Variants in PCSK9 observed in about 807,000 individuals in gnomAD.
The protein encoded by PCSK9 is convertase subtilisin/kexin type 9 preproprotein.
Under a neutral mutation model 62.1 loss-of-function variants are expected in PCSK9, and 57 were observed. The observed-to-expected ratio is 0.92, with a 90% CI of 0.74 to 1.14. The LOEUF (loss-of-function observed/expected upper bound fraction) is 1.14. PCSK9 is among the 50% of genes most tolerant of loss of function. The pLI, the probability that PCSK9 is intolerant of heterozygous loss-of-function variation, is 0.00. For synonymous variants in PCSK9, 387 were observed against 409.4 expected (o/e 0.95, Z 0.66); for missense variants, 870 against 959.8 (o/e 0.91, Z 1.24).
intron 11 of PCSK9, among the ~76,000 whole-genome samples, chr1:55,062,667 G>A (rs927292106): frequency 6.6e-6 from 1 of 152,240 alleles, no homozygotes; most frequent in East Asian, 1.9e-4. Context: ...AGGTGGGGAT[G>A]TGCAGGGAGT....
At chr1:55,060,414 G>T (rs1412498117) in intron 10 of PCSK9, among the ~76,000 whole-genome samples, 1 of 152,166 alleles carries the variant, frequency 6.6e-6, no homozygotes, top group East Asian at 1.9e-4. Flanking sequence ...ACGTCCAGGG[G>T]AACCACTGAG....
Position 55,039,598 on chromosome 1 carries a change from G to A in PCSK9, c.-240G>A, listed in dbSNP as rs1644581663. 1 of 600,360 alleles carries A rather than the reference G, an allele frequency of 1.7e-6. No individual in the cohort carries two copies. The highest frequency in any genetic ancestry group is 2.0e-5 in the South Asian group (1 of 50,274). The allele number at this position is 600,360 out of a possible 1,614,324, so 37.2% of individuals were successfully genotyped here. ...CAGGCGGGCGCCGCCGTTCAGTTCA[G>A]GGTCTGAGCCTGGAGGAGTGAGCCA... On this transcript the variant is annotated 5_prime_UTR_variant, in exon 1 of 12. Coordinates refer to ENST00000302118, the MANE Select transcript of PCSK9 (RefSeq NM_174936.4).
At chr1:55,054,374 T>C (rs1286683892) in intron 5 of PCSK9, among the ~76,000 whole-genome samples, 2 of 151,798 alleles carry the variant, frequency 1.3e-5, no homozygotes, top group African/African-American at 4.8e-5. Flanking sequence ...TAGAGCGAGA[T>C]TCCATCTCAA....
rs1644733187 is a variant in PCSK9, at chr1:55,058,495, G to T, written c.1355-4G>T. On this transcript the variant is annotated splice_region_variant and splice_polypyrimidine_tract_variant and intron_variant, in intron 8 of 11. Transcript: ENST00000302118. ...CCCCTCCTCATCCCAGGCCCTTTTTGCAGGTTGGCAGCTGTTTTGCAGGAC... is the reference window on the plus strand; with the variant it reads ...CCCCTCCTCATCCCAGGCCCTTTTTTCAGGTTGGCAGCTGTTTTGCAGGAC... The T allele has an allele frequency of 6.2e-7, 1 of 1,612,152 alleles. No individual in the cohort carries two copies. The highest frequency in any genetic ancestry group is 8.5e-7 in the Non-Finnish European group (1 of 1,180,002).
chr1:55,059,687 G>C, intron 10 of PCSK9, 24 bp downstream of exon 10: 1 of 1,546,984 alleles, frequency 6.5e-7, no homozygotes, highest in Non-Finnish European at 8.7e-7. Context: ...CTTGCCCTGG[G>C]GTGAGGAGGG....
rs746115963 is a variant in PCSK9, at chr1:55,058,528, T to C, written c.1384T>C (p.Ser462Pro). The C allele has an allele frequency of 2.1e-4, 334 of 1,611,966 alleles. No homozygotes were observed. Among genetic ancestry groups the C allele is most frequent in the Non-Finnish European group, 2.6e-4 (307 of 1,180,002 alleles). ...GCAGCTGTTTTGCAGGACTGTATGG[T>C]CAGCACACTCGGGGCCTACACGGAT... ...GWQLFCRTVW[S>P]AHSGPTRMAT... Residue 462 changes from serine (S) to proline (P), a missense_variant, in exon 9 of 12, where the codon TCA becomes CCA. By Grantham distance (74) the Ser-to-Pro change is moderately conservative. Transcript: ENST00000302118.
At chr1:55,052,455 C>G in intron 4 of PCSK9, 44 bp downstream of exon 4, 2 of 1,613,088 alleles carry the variant, frequency 1.2e-6, no homozygotes, top group Non-Finnish European at 1.7e-6. Context: ...TGCCCATATC[C>G]CCATCCTGGA....
At chr1:55,056,695 G>A (rs1031717090) in intron 6 of PCSK9, among the ~76,000 whole-genome samples, 2 of 152,094 alleles carry the variant, frequency 1.3e-5, no homozygotes, top group Non-Finnish European at 2.9e-5. Flanking sequence ...CCGCATGCCC[G>A]GTGCAGTGTG....
intron 3 of PCSK9, 166 bp from the exon 4 acceptor site, chr1:55,052,112 T>A: frequency 1.1e-6 from 1 of 950,380 alleles, no homozygotes; most frequent in Non-Finnish European, 1.6e-6. Flanking sequence ...TGAAATACAT[T>A]ATAGAATAGG....
intron 2 of PCSK9, 118 bp from the exon 3 acceptor site, chr1:55,046,405 G>A: frequency 1.4e-6 from 2 of 1,480,008 alleles, no homozygotes; most frequent in African/African-American, 2.8e-5. Context: ...GGACAAGGTG[G>A]GAGGCTGCTG....
At position 55,058,226 on chromosome 1, in the gene PCSK9, G is replaced by C; in HGVS notation, c.1354+17G>C. 6.2e-7 allele frequency: 1 copy of C among 1,609,166 alleles called. No homozygotes were observed. Among genetic ancestry groups the C allele is most frequent in the Non-Finnish European group, 8.5e-7 (1 of 1,177,290 alleles). On this transcript the variant is annotated intron_variant, in intron 8 of 11. Transcript: ENST00000302118. ...ATGGGGCAGGTAAGCAGGATGGCAG[G>C]GTGGGCAAGTCCAGGCTGGGGCTTG... is the stretch of plus-strand genomic sequence containing the variant.
intron 11 of PCSK9, 75 bp from the exon 12 acceptor site, chr1:55,063,294 G>C: frequency 6.7e-7 from 1 of 1,495,492 alleles, no homozygotes; most frequent in Non-Finnish European, 9.1e-7. Flanking sequence ...AAGGATGTCG[G>C]AGGGAGAAAT....
At chr1:55,046,392 C>A in intron 2 of PCSK9, 131 bp from the exon 3 acceptor site, 1 of 1,390,000 alleles carries the variant, frequency 7.2e-7, no homozygotes, top group Non-Finnish European at 1.0e-6. Context: ...GGGGCACTAG[C>A]AGGGACAAGG....
intron 10 of PCSK9, 129 bp downstream of exon 10, chr1:55,059,792 G>A (rs1644745958): frequency 8.2e-7 from 1 of 1,221,742 alleles, no homozygotes; most frequent in African/African-American, 1.5e-5. Flanking sequence ...CCATACTCTG[G>A]TTCTGCCACT....
At position 55,039,735 on chromosome 1, in the gene PCSK9, C is replaced by T. The variant is rs768977430; in HGVS notation, c.-103C>T. On this transcript the variant is annotated 5_prime_UTR_variant, in exon 1 of 12. Coordinates refer to ENST00000302118, the MANE Select transcript of PCSK9 (RefSeq NM_174936.4). ...CGCGCCCTGCTCCTGAACTTCAGCT[C>T]CTGCACAGTCCTCCCCACCGCAAGG... 4 of 1,373,656 alleles carry T rather than the reference C, an allele frequency of 2.9e-6. No individual in the cohort carries two copies. Among genetic ancestry groups the T allele is most frequent in the Non-Finnish European group, 4.0e-6 (4 of 990,298 alleles). 85.1% of individuals were successfully genotyped at this position (1,373,656 alleles called of 1,614,324 possible). A position where few individuals can be genotyped will look rare whatever the true frequency, so the allele number is the denominator to read the frequency against.
chr1:55,055,280 G>A (rs538232798), intron 5 of PCSK9, among the ~76,000 whole-genome samples: 1 of 152,030 alleles, frequency 6.6e-6, no homozygotes, highest in East Asian at 2.0e-4. Flanking sequence ...CAACACTTGC[G>A]GCCACGGTGG....
At position 55,061,437 on chromosome 1, in the gene PCSK9, C is replaced by T. The variant is rs373323910; in HGVS notation, c.1744C>T (p.Arg582Ter). The T allele has an allele frequency of 9.3e-6, 15 of 1,610,050 alleles. No homozygotes were observed. Among genetic ancestry groups the T allele is most frequent in the South Asian group, 1.1e-5 (1 of 89,660 alleles). ...GTHKPPVLRPRGQPNQCVGHR... is the reference protein window; with the variant it reads ...GTHKPPVLRP ...CCACAAGCCGCCTGTGCTGAGGCCA[C>T]GAGGTCAGCCCAACCAGTGCGTGGG... Residue 582 changes from arginine (R) to a stop codon, truncating the protein, a stop_gained, in exon 11 of 12, where the codon CGA (arginine) becomes TGA (stop). Coordinates refer to ENST00000302118, the MANE Select transcript of PCSK9 (RefSeq NM_174936.4). LOFTEE classifies it high-confidence loss of function.
intron 1 of PCSK9, among the ~76,000 whole-genome samples, chr1:55,041,793 G>C (rs553120411): frequency 5.9e-5 from 9 of 152,064 alleles, no homozygotes; most frequent in African/African-American, 2.2e-4. Context: ...TTTATTTAGC[G>C]GAAGGCATTT....
intron 11 of PCSK9, among the ~76,000 whole-genome samples, chr1:55,063,019 T>A (rs1570311029): frequency 6.6e-6 from 1 of 152,040 alleles, no homozygotes; most frequent in East Asian, 1.9e-4. Context: ...GCACCAAGGC[T>A]CGGGCCCCTG....
Sources: allele counts gnomAD v4.1 joint callset (sites outside exome capture counted in the v4.1 genomes callset), GRCh38; gene constraint gnomAD v4.1.1; transcripts MANE v1.5; gene names NCBI Gene and HGNC (gene_info 2026-07-23, HGNC 2026-07-21).